C19orf44: variants seen among roughly 807,000 people sequenced by gnomAD.
C19orf44 encodes uncharacterized protein C19orf44.
In C19orf44, 43 loss-of-function variants were observed where a neutral mutation model predicts 50.7. The ratio of observed to expected loss-of-function variants is 0.85; its 90% CI spans 0.66 to 1.09. The LOEUF (loss-of-function observed/expected upper bound fraction) is 1.09, where lower values mean the gene tolerates loss of function less well. Among genes scored for constraint, C19orf44 ranks in the 50% least tolerant of loss-of-function variants. C19orf44 has a pLI of 0.00. For missense variants in C19orf44, 722 were observed against 836.2 expected (o/e 0.86, Z 1.68); for synonymous variants, 298 against 334.7 (o/e 0.89, Z 1.20).
chr19:16,498,713 C>G (rs1353310120), intron 1 of C19orf44, among the ~76,000 whole-genome samples: 2 of 151,862 alleles, frequency 1.3e-5, no homozygotes, highest in Non-Finnish European at 2.9e-5. Flanking sequence ...CTCTTTTGCC[C>G]AGGCTGGAGT....
intron 3 of C19orf44, 124 bp downstream of exon 3, chr19:16,503,504 C>A: frequency 1.0e-6 from 1 of 968,252 alleles, no homozygotes; most frequent in Non-Finnish European, 1.5e-6. Context: ...GCATCTCACA[C>A]TCAGCTTTCT....
intron 3 of C19orf44, 27 bp downstream of exon 3, chr19:16,503,407 G>A: frequency 6.3e-7 from 1 of 1,588,344 alleles, no homozygotes; most frequent in Non-Finnish European, 8.6e-7. Flanking sequence ...TGCAAAGCCA[G>A]TACCTTGGGC....
Position 16,519,885 on chromosome 19 carries a change from G to A in C19orf44, c.*41-209G>A, listed in dbSNP as rs1183013051. The A allele has an allele frequency of 1.2e-5, 8 of 686,108 alleles. No homozygotes were observed. The highest frequency in any genetic ancestry group is 1.8e-5 in the African/African-American group (1 of 56,244). The allele number at this position is 686,108 out of a possible 1,614,324, so 42.5% of individuals were successfully genotyped here. ...TTATCCTGTCTCAGCTAGATAAGGG[G>A]GCTCCAGACGCTGGCCCCCACCCCA... On this transcript the variant is annotated intron_variant, in intron 8 of 8. Coordinates refer to ENST00000221671, the MANE Select transcript of C19orf44 (RefSeq NM_032207.4). The surrounding 1 kb of genome is among the most constrained non-coding windows in gnomAD (Gnocchi z 6.0).
At chr19:16,505,991 AT>A (rs1249923730) in intron 3 of C19orf44, among the ~76,000 whole-genome samples, 1 of 143,176 alleles carries the variant, frequency 7.0e-6, no homozygotes, top group East Asian at 2.1e-4. Flanking sequence ...GATTATTATT[AT>A]TTTTTAGAGA....
intron 7 of C19orf44, among the ~76,000 whole-genome samples, chr19:16,515,423 A>G (rs1401358378): frequency 6.6e-6 from 1 of 152,226 alleles, no homozygotes; most frequent in Non-Finnish European, 1.5e-5. Flanking sequence ...ATCTTGTTGC[A>G]GAGATGTGTA....
In C19orf44 at chr19:16,519,668, G is replaced by A; in HGVS notation, c.*41-426G>A. The A allele has an allele frequency of 6.2e-7, 1 of 1,613,990 alleles. No homozygotes were observed. Among genetic ancestry groups the A allele is most frequent in the South Asian group, 1.1e-5 (1 of 91,062 alleles). ...GCCTTTGTTCTCTTCTCCGAGCCTT[G>A]AGTCAGGGATGGGAGGCGCCGAATT... On this transcript the variant is annotated intron_variant, in intron 8 of 8. Transcript: ENST00000221671. This position sits in a 1 kb window ranked among gnomAD's most constrained non-coding sequence, Gnocchi z 6.0.
chr19:16,502,999 CAAAAAACA>C (rs2093430129), intron 2 of C19orf44, 58 bp from the exon 3 acceptor site: 5 of 1,366,850 alleles, frequency 3.7e-6, no homozygotes, highest in East Asian at 2.3e-5. Flanking sequence ...AAAAAAAAAA[CAAAAAACA>C]AAAAAACAAA....
At chr19:16,497,200 G>A (rs2093411769) in intron 1 of C19orf44, among the ~76,000 whole-genome samples, 1 of 151,586 alleles carries the variant, frequency 6.6e-6, no homozygotes, top group African/African-American at 2.4e-5. Flanking sequence ...TGCCAGCCTT[G>A]GCCTCCCAAA....
rs765597437 is a variant in C19orf44, at chr19:16,501,184, C to G, written c.392C>G (p.Ala131Gly). 2.5e-6 allele frequency: 4 copies of G among 1,614,112 alleles called. No homozygotes were observed. The highest frequency in any genetic ancestry group is 1.7e-5 in the Admixed American group (1 of 59,992). The change falls in exon 2 of 9, where the codon GCT becomes GGT. Residue 131 changes from alanine (A) to glycine (G), a missense_variant. Transcript: ENST00000221671. ...MTADAGLPKR[A>G]DRILSGGALE... ...GCCGATGCTGGTCTTCCAAAGAGAG[C>G]TGACAGAATCCTCTCTGGGGGTGCA... is the stretch of plus-strand genomic sequence containing the variant.
At chr19:16,512,182 T>C (rs12461442) in intron 5 of C19orf44, among the ~76,000 whole-genome samples, 3,135 of 152,102 alleles carry the variant, frequency 0.021, 107 homozygotes, top group Admixed American at 0.082. Flanking sequence ...CAAATCACCT[T>C]GGAGGTGTTA....
chr19:16,520,542 T>C lies in C19orf44; in HGVS notation c.*489T>C. On this transcript the variant is annotated 3_prime_UTR_variant, in exon 9 of 9. Transcript: ENST00000221671. This position sits in a 1 kb window ranked among gnomAD's most constrained non-coding sequence, Gnocchi z 4.0. ...GAGGCCTGATGATCAGGTGCCCCAGTGGATGGGCTGCACCCAGCCCACCCT... is the reference window on the plus strand; with the variant it reads ...GAGGCCTGATGATCAGGTGCCCCAGCGGATGGGCTGCACCCAGCCCACCCT... 6.3e-7 allele frequency: 1 copy of C among 1,595,150 alleles called. No homozygotes were observed. The highest frequency in any genetic ancestry group is 8.5e-7 in the Non-Finnish European group (1 of 1,170,056).
intron 3 of C19orf44, among the ~76,000 whole-genome samples, chr19:16,505,591 A>T (rs1417967423): frequency 2.0e-5 from 3 of 152,216 alleles, no homozygotes; most frequent in African/African-American, 7.2e-5. Context: ...CTGCTTTCAC[A>T]CTATGACATT....
In C19orf44 at chr19:16,506,909, G is replaced by A. The variant is rs535544246; in HGVS notation, c.1149+135G>A. 51 of 616,758 alleles carry A rather than the reference G, an allele frequency of 8.3e-5. 1 individual carries two copies. The East Asian group carries it at 1.5e-3, about 18-fold the overall frequency. The allele number at this position is 616,758 out of a possible 1,614,324, so 38.2% of individuals were successfully genotyped here. ...CAGGCCGTCCTCAAACTGGGCTCAA[G>A]CAATCCTCCCGATTCAGCCTCCCAA... On this transcript the variant is annotated intron_variant, in intron 4 of 8. Transcript: ENST00000221671.
rs749152333 is a variant in C19orf44 at position 16,501,480 on chromosome 19, A to G, written c.688A>G (p.Arg230Gly). The G allele has an allele frequency of 6.2e-7, 1 of 1,604,534 alleles. No individual in the cohort carries two copies. Among genetic ancestry groups the G allele is most frequent in the Admixed American group, 1.7e-5 (1 of 58,100 alleles). The change falls in exon 2 of 9, where the codon AGA becomes GGA. Residue 230 changes from arginine to glycine, a missense_variant. Transcript: ENST00000221671. ...GCTAGGAAGCTTGATGGACTCTTCT[A>G]GAGAAAAAAACACGAATCAAGGCTT... ...VLLGSLMDSS[R>G]EKNTNQGFSS...
chr19:16,520,916 T>G lies in C19orf44; in HGVS notation c.*863T>G. On this transcript the variant is annotated 3_prime_UTR_variant, in exon 9 of 9. Coordinates refer to ENST00000221671, the MANE Select transcript of C19orf44 (RefSeq NM_032207.4). This position sits in a 1 kb window ranked among gnomAD's most constrained non-coding sequence, Gnocchi z 4.0. ...GCCGTTCTGCTCCCAGCCTTCACTG[T>G]AAGACACGGCATTCCGTGTGTGACC... 1 of 1,613,336 alleles carries G rather than the reference T, an allele frequency of 6.2e-7. No individual in the cohort carries two copies. Among genetic ancestry groups the G allele is most frequent in the Non-Finnish European group, 8.5e-7 (1 of 1,179,732 alleles).
In C19orf44 at chr19:16,521,091, G is replaced by C; in HGVS notation, c.*1038G>C. 1.6e-6 allele frequency: 1 copy of C among 634,208 alleles called. No individual in the cohort carries two copies. The highest frequency in any genetic ancestry group is 2.8e-6 in the Non-Finnish European group (1 of 351,688). 39.3% of individuals were successfully genotyped at this position (634,208 alleles called of 1,614,324 possible). On this transcript the variant is annotated 3_prime_UTR_variant, in exon 9 of 9. Transcript: ENST00000221671. ...GTTCCCACAGGGCTGTCCTCCTGCA[G>C]CCCAGTGGCTCCTCTGGTGCCCACG...
chr19:16,499,101 G>A lies in C19orf44; in HGVS notation c.-1-1691G>A, dbSNP rs139272158. 9.5e-4 allele frequency among the ~76,000 whole-genome samples: 145 copies of A among 152,200 alleles called. 1 individual carries two copies. The East Asian group carries it at 0.021, about 23-fold the overall frequency. ...CACAGAGCGATTAAGTAACTTGCCC[G>A]GGGTCACACAGACCAGGAAGTCTGC... On this transcript the variant is annotated intron_variant, in intron 1 of 8. Transcript: ENST00000221671.
Position 16,520,633 on chromosome 19 carries a change from C to G in C19orf44, c.*580C>G. Reference sequence around the variant, plus strand: ...GGCTGTGGATGTGGCGCCATAGCCACAGCAACGGTACCAAGTTCCTAAATA... The same window carrying G: ...GGCTGTGGATGTGGCGCCATAGCCAGAGCAACGGTACCAAGTTCCTAAATA... On this transcript the variant is annotated 3_prime_UTR_variant, in exon 9 of 9. Transcript: ENST00000221671. This position sits in a 1 kb window ranked among gnomAD's most constrained non-coding sequence, Gnocchi z 4.0. The G allele has an allele frequency of 2.4e-6, 3 of 1,243,664 alleles. No homozygotes were observed. Among genetic ancestry groups the G allele is most frequent in the Non-Finnish European group, 3.4e-6 (3 of 878,466 alleles). The allele number at this position is 1,243,664 out of a possible 1,614,324, so 77.0% of individuals were successfully genotyped here. A position where few individuals can be genotyped will look rare whatever the true frequency, so the allele number is the denominator to read the frequency against.
At chr19:16,497,685 C>G (rs2093413972) in intron 1 of C19orf44, among the ~76,000 whole-genome samples, 1 of 152,128 alleles carries the variant, frequency 6.6e-6, no homozygotes, top group African/African-American at 2.4e-5. Context: ...TTTGAGATTC[C>G]TGCGTGCTGT....
Sources: gnomAD v4.1 joint callset for allele counts (sites outside exome capture counted in the v4.1 genomes callset) on GRCh38, gnomAD v4.1.1 for gene constraint, Gnocchi (gnomAD v3.1) non-coding constraint, MANE v1.5 for transcripts, NCBI Gene and HGNC (gene_info 2026-07-23, HGNC 2026-07-21) for gene names.